Variants in C16orf87 observed in about 807,000 individuals in gnomAD.
C16orf87 encodes UPF0547 protein C16orf87.
A neutral mutation model predicts 21.0 loss-of-function variants in C16orf87; 13 were observed. That is an observed-to-expected ratio of 0.62 (90% CI 0.40 to 0.98). The LOEUF is 0.98. C16orf87 is among the 50% of genes least tolerant of loss of function. The pLI is 0.00. For synonymous variants in C16orf87, 49 were observed against 60.2 expected (o/e 0.81, Z 0.86); for missense variants, 113 against 180.4 (o/e 0.63, Z 2.14).
chr16:46,805,228 G>A (rs183753781), intron 3 of C16orf87, among the ~76,000 whole-genome samples: 91 of 152,122 alleles, frequency 6.0e-4, no homozygotes, highest in African/African-American at 1.9e-3. Context: ...TTCCTTATCT[G>A]AAACTTTAAT....
At chr16:46,815,455 A>C (rs1179018616) in intron 2 of C16orf87, among the ~76,000 whole-genome samples, 2 of 152,100 alleles carry the variant, frequency 1.3e-5, no homozygotes, top group African/African-American at 2.4e-5. Context: ...ACAGACTGAA[A>C]AGGCAATACA....
intron 1 of C16orf87, among the ~76,000 whole-genome samples, chr16:46,830,242 GAGAT>G (rs1387849905): frequency 5.5e-5 from 8 of 145,974 alleles, no homozygotes; most frequent in South Asian, 4.3e-4. Flanking sequence ...ACGAGATAGA[GAGAT>G]AGAGAGATAG....
At chr16:46,816,751 C>CT (rs1968256567) in intron 2 of C16orf87, among the ~76,000 whole-genome samples, 1 of 152,168 alleles carries the variant, frequency 6.6e-6, no homozygotes, top group Non-Finnish European at 1.5e-5. Flanking sequence ...AAGACTCTCC[C>CT]TGCAGGTGAG....
In C16orf87 at chr16:46,828,027, C is replaced by T. The variant is rs193229937; in HGVS notation, c.66+3057G>A. 1.5e-3 allele frequency among the ~76,000 whole-genome samples: 235 copies of T among 152,044 alleles called. 1 individual carries two copies. The Middle Eastern group carries it at 0.034, about 22-fold the overall frequency. ...TCGGCTCACTGCAACCTCTGCCTCCCGGGTTCAATCACTTCTCCTGCCTCA... is the reference window on the plus strand; with the variant it reads ...TCGGCTCACTGCAACCTCTGCCTCCTGGGTTCAATCACTTCTCCTGCCTCA... On this transcript the variant is annotated intron_variant, in intron 1 of 3. Coordinates refer to ENST00000285697, the MANE Select transcript of C16orf87 (RefSeq NM_001001436.4).
chr16:46,825,723 C>A (rs1959589489), intron 1 of C16orf87, among the ~76,000 whole-genome samples: 1 of 151,900 alleles, frequency 6.6e-6, no homozygotes. Flanking sequence ...ACCAGCCTGA[C>A]CAACATGGTG....
intron 3 of C16orf87, among the ~76,000 whole-genome samples, chr16:46,808,349 G>C (rs1967987183): frequency 6.6e-6 from 1 of 152,172 alleles, no homozygotes; most frequent in African/African-American, 2.4e-5. Context: ...GGCTATACTG[G>C]TGAAGCTGTT....
At chr16:46,809,457 A>G in intron 3 of C16orf87, 146 bp downstream of exon 3, 1 of 598,688 alleles carries the variant, frequency 1.7e-6, no homozygotes, top group Non-Finnish European at 3.0e-6. Context: ...ATAAGCATCT[A>G]CCACAGAGGA....
At chr16:46,823,398 G>A (rs778009026) in intron 2 of C16orf87, among the ~76,000 whole-genome samples, 1 of 152,086 alleles carries the variant, frequency 6.6e-6, no homozygotes, top group Admixed American at 6.6e-5. Context: ...CTCTTATTTC[G>A]AGGTCACCAC....
intron 2 of C16orf87, among the ~76,000 whole-genome samples, chr16:46,814,593 C>T (rs1020146964): frequency 6.6e-6 from 1 of 152,154 alleles, no homozygotes; most frequent in Non-Finnish European, 1.5e-5. Flanking sequence ...CTGAAGAGAC[C>T]TTTTGTCAAA....
At position 46,800,037 on chromosome 16, in the gene C16orf87, G is replaced by A. The variant is rs1359724813; in HGVS notation, c.*2915C>T. 2.0e-5 allele frequency: 3 copies of A among 152,184 alleles called. No individual in the cohort carries two copies. The highest frequency in any genetic ancestry group is 4.4e-5 in the Non-Finnish European group (3 of 68,040). 9.4% of individuals were successfully genotyped at this position (152,184 alleles called of 1,614,324 possible). Reference sequence around the variant, plus strand: ...GCAAGCCAAAATTAAATATTGCCAAGTCATTTTAATGATCAGAATTAGAGA... The same window carrying A: ...GCAAGCCAAAATTAAATATTGCCAAATCATTTTAATGATCAGAATTAGAGA... On this transcript the variant is annotated 3_prime_UTR_variant, in exon 4 of 4. Coordinates refer to ENST00000285697, the MANE Select transcript of C16orf87 (RefSeq NM_001001436.4).
rs1011498797 is a variant in C16orf87, at chr16:46,802,857, T to C, written c.*95A>G. On this transcript the variant is annotated 3_prime_UTR_variant, in exon 4 of 4. Transcript: ENST00000285697. ...AGAAAGAAACAATCGATGGCCCTTATTGATGCAGTCAGAATGCTCCTGAGA... is the reference window on the plus strand; with the variant it reads ...AGAAAGAAACAATCGATGGCCCTTACTGATGCAGTCAGAATGCTCCTGAGA... 3.6e-5 allele frequency: 25 copies of C among 694,902 alleles called. No homozygotes were observed. Among genetic ancestry groups the C allele is most frequent in the South Asian group, 1.2e-4 (7 of 57,702 alleles). The allele number at this position is 694,902 out of a possible 1,614,324, so 43.0% of individuals were successfully genotyped here.
intron 2 of C16orf87, among the ~76,000 whole-genome samples, chr16:46,813,477 T>TG (rs1968157482): frequency 8.6e-6 from 1 of 116,704 alleles, no homozygotes; most frequent in East Asian, 2.2e-4. Context: ...CAATATTATC[T>TG]TAAAAAAAAA....
At position 46,796,981 on chromosome 16, in the gene C16orf87, T is replaced by G. The variant is rs909550812; in HGVS notation, c.*5971A>C. The G allele has an allele frequency of 6.6e-6, 1 of 152,176 alleles. No individual in the cohort carries two copies. The highest frequency in any genetic ancestry group is 2.4e-5 in the African/African-American group (1 of 41,436). The allele number at this position is 152,176 out of a possible 1,614,324, so 9.4% of individuals were successfully genotyped here. On this transcript the variant is annotated 3_prime_UTR_variant, in exon 4 of 4. Transcript: ENST00000285697. Reference sequence around the variant, plus strand: ...TGAAAATACTCAGAGAAAAATAACATGTTTCATACAGGGGAAATATTACTT... The same window carrying G: ...TGAAAATACTCAGAGAAAAATAACAGGTTTCATACAGGGGAAATATTACTT...
chr16:46,817,939 A>AAAAAAAAAAC (rs1226959901), intron 2 of C16orf87, among the ~76,000 whole-genome samples: 7 of 147,634 alleles, frequency 4.7e-5, no homozygotes, highest in African/African-American at 1.8e-4. Flanking sequence ...AAAAAAAAAA[A>AAAAAAAAAAC]CCACAAAAAT....
At chr16:46,827,571 TTTTA>T (rs1363556865) in intron 1 of C16orf87, among the ~76,000 whole-genome samples, 1 of 152,170 alleles carries the variant, frequency 6.6e-6, no homozygotes, top group East Asian at 1.9e-4. Flanking sequence ...AAAACAGATT[TTTTA>T]TTTATTTATT....
intron 2 of C16orf87, among the ~76,000 whole-genome samples, chr16:46,822,881 C>G (rs958675356): frequency 5.9e-5 from 9 of 152,202 alleles, no homozygotes; most frequent in African/African-American, 1.9e-4. Context: ...CAAACAAAAT[C>G]CAAACTTCTT....
chr16:46,802,949 G>A lies in C16orf87; in HGVS notation c.*3C>T, dbSNP rs1967820747. ...AAGTTTCAGCAGATTTTGCAAACAA[G>A]TATCAGAGAATAAGTCTTTGATTGA... On this transcript the variant is annotated 3_prime_UTR_variant, in exon 4 of 4. Coordinates refer to ENST00000285697, the MANE Select transcript of C16orf87 (RefSeq NM_001001436.4). 2.1e-6 allele frequency: 3 copies of A among 1,397,866 alleles called. No homozygotes were observed. The highest frequency in any genetic ancestry group is 2.4e-5 in the South Asian group (2 of 84,182). The allele number at this position is 1,397,866 out of a possible 1,614,324, so 86.6% of individuals were successfully genotyped here. A position where few individuals can be genotyped will look rare whatever the true frequency, so the allele number is the denominator to read the frequency against.
intron 2 of C16orf87, among the ~76,000 whole-genome samples, chr16:46,820,513 A>G (rs1429350391): frequency 6.6e-6 from 1 of 152,230 alleles, no homozygotes; most frequent in Admixed American, 6.5e-5. Flanking sequence ...TTTCCATTTC[A>G]GTACATAAAA....
At chr16:46,818,498 C>A (rs1959286704) in intron 2 of C16orf87, among the ~76,000 whole-genome samples, 2 of 151,922 alleles carry the variant, frequency 1.3e-5, no homozygotes, top group South Asian at 4.1e-4. Flanking sequence ...TACTCTAAAC[C>A]TTTTACTCAC....
Sources: gnomAD v4.1 joint callset for allele counts (sites outside exome capture counted in the v4.1 genomes callset) on GRCh38, gnomAD v4.1.1 for gene constraint, MANE v1.5 for transcripts, NCBI Gene and HGNC (gene_info 2026-07-23, HGNC 2026-07-21) for gene names.